The following TBC1D1 variants were observed in gnomAD, a reference collection of about 807,000 sequenced individuals.
TBC1D1 encodes TBC1 domain family member 1.
In TBC1D1, 89 loss-of-function variants were observed where a neutral mutation model predicts 125.6. The ratio of observed to expected loss-of-function variants is 0.71; its 90% confidence interval spans 0.60 to 0.85. The LOEUF (loss-of-function observed/expected upper bound fraction) is 0.85, where lower values mean the gene tolerates loss of function less well. TBC1D1 is among the 40% of genes least tolerant of loss of function. The pLI is 0.00. For synonymous variants in TBC1D1, 565 were observed against 564.1 expected, an observed-to-expected ratio of 1.00 and a Z score of -0.02; for missense variants, 1,377 against 1,469.2, an observed-to-expected ratio of 0.94 and a Z score of 1.03.
At chr4:38,027,323 T>C (rs752958467) in intron 6 of TBC1D1, among the ~76,000 whole-genome samples, 4 of 152,200 alleles carry the variant, frequency 2.6e-5, no homozygotes, top group Admixed American at 6.5e-5. Flanking sequence ...GTGACACTAT[T>C]ATCGATGAAA....
chr4:37,927,783 G>T (rs1722421146), intron 2 of TBC1D1, among the ~76,000 whole-genome samples: 1 of 152,202 alleles, frequency 6.6e-6, no homozygotes, highest in African/African-American at 2.4e-5. Context: ...TGTAGTCCCA[G>T]CTACTCAGGA....
chr4:38,110,301 G>C, intron 15 of TBC1D1: 2 of 983,754 alleles, frequency 2.0e-6, no homozygotes, highest in Non-Finnish European at 1.2e-6. Context: ...CATCCCTGAG[G>C]TCACCATTCT....
At chr4:38,030,956 A>AC (rs1459558278) in intron 7 of TBC1D1, among the ~76,000 whole-genome samples, 17 of 152,376 alleles carry the variant, frequency 1.1e-4, no homozygotes, top group African/African-American at 3.8e-4. Flanking sequence ...TCTCTACTGT[A>AC]AACAAGCTAA....
chr4:38,132,058 CAGA>C (rs1468526593), intron 18 of TBC1D1, among the ~76,000 whole-genome samples: 4 of 152,302 alleles, frequency 2.6e-5, no homozygotes, highest in South Asian at 2.1e-4. Context: ...AGGGAGCCAT[CAGA>C]AGAAGTAGTT....
At chr4:37,991,887 G>T (rs372608775) in intron 2 of TBC1D1, among the ~76,000 whole-genome samples, 12 of 152,294 alleles carry the variant, frequency 7.9e-5, no homozygotes, top group African/African-American at 2.6e-4. Context: ...CATCCAGGGG[G>T]TGACAAAGAA....
At chr4:37,894,275 C>G (rs568719891) in intron 1 of TBC1D1, among the ~76,000 whole-genome samples, 1 of 152,162 alleles carries the variant, frequency 6.6e-6, no homozygotes, top group South Asian at 2.1e-4. Flanking sequence ...GTGTGAGCCA[C>G]GGCGCCCGAC....
At chr4:38,032,437 A>G (rs1375256213) in intron 7 of TBC1D1, among the ~76,000 whole-genome samples, 2 of 152,224 alleles carry the variant, frequency 1.3e-5, no homozygotes, top group Non-Finnish European at 2.9e-5. Context: ...ACAAGCAAGT[A>G]ATTTTTGATG....
chr4:37,956,583 CTG>C (rs922132093), intron 2 of TBC1D1, among the ~76,000 whole-genome samples: 1 of 152,192 alleles, frequency 6.6e-6, no homozygotes, highest in African/African-American at 2.4e-5. Context: ...TACTTCCATT[CTG>C]TGTCTTTTCC....
At chr4:37,960,297 T>G in intron 2 of TBC1D1, 1 of 796,782 alleles carries the variant, frequency 1.3e-6, no homozygotes, top group Non-Finnish European at 2.0e-6. Flanking sequence ...TATGAGTTCA[T>G]GCTAACTCTC....
chr4:37,902,003 G>C lies in TBC1D1; in HGVS notation c.-93G>C, dbSNP rs1577755799. 2 of 1,292,712 alleles carry C rather than the reference G, an allele frequency of 1.5e-6. No individual in the cohort carries two copies. The allele number at this position is 1,292,712 out of a possible 1,614,324, so 80.1% of individuals were successfully genotyped here. ...TAATGCCTCTGGTTTTCTCCCCCAG[G>C]TTTCTGCATATGAAGTGTGTAAAAT... On this transcript the variant is annotated splice_region_variant and 5_prime_UTR_variant, in exon 2 of 20. Transcript: ENST00000261439.
chr4:38,131,904 A>G (rs934094748), intron 18 of TBC1D1, among the ~76,000 whole-genome samples: 19 of 152,210 alleles, frequency 1.2e-4, no homozygotes, highest in African/African-American at 4.6e-4. Context: ...TTTGTGCCTT[A>G]TTAATATTAT....
In TBC1D1 at chr4:38,045,825, A is replaced by C. The variant is rs778073846; in HGVS notation, c.1551A>C (p.Lys517Asn). The C allele has an allele frequency of 6.2e-7, 1 of 1,614,130 alleles. No homozygotes were observed. The highest frequency in any genetic ancestry group is 8.5e-7 in the Non-Finnish European group (1 of 1,179,966). ...GCCTTTTCTTTATGTAGGGTAATAA[A>C]GCCAGAGGCCTGCAGGAACACTCCA... Residue 517 changes from lysine (K) to asparagine (N), a missense_variant, in exon 10 of 20, where the codon AAA (lysine) becomes AAC (asparagine). By Grantham distance (94) the Lys-to-Asn change is moderately conservative. Coordinates refer to ENST00000261439, the MANE Select transcript of TBC1D1 (RefSeq NM_015173.4).
At chr4:38,023,671 TC>T (rs1326063368) in intron 6 of TBC1D1, among the ~76,000 whole-genome samples, 1 of 152,258 alleles carries the variant, frequency 6.6e-6, no homozygotes, top group African/African-American at 2.4e-5. Flanking sequence ...TGAATGGTAT[TC>T]CATTCCAAAA....
chr4:38,075,239 AATTTATGTCAGTG>A (rs1214167729), intron 12 of TBC1D1, among the ~76,000 whole-genome samples: 1 of 152,178 alleles, frequency 6.6e-6, no homozygotes, highest in Non-Finnish European at 1.5e-5. Context: ...TGGGATTGTA[AATTTATGTCAGTG>A]TACTGACTTT....
At chr4:37,893,322 G>T (rs187462238) in intron 1 of TBC1D1, among the ~76,000 whole-genome samples, 1 of 152,180 alleles carries the variant, frequency 6.6e-6, no homozygotes, top group African/African-American at 2.4e-5. Flanking sequence ...GATTCCCAGA[G>T]GACTGAAAAT....
At position 38,020,614 on chromosome 4, in the gene TBC1D1, T is replaced by C. The variant is rs1204494751; in HGVS notation, c.996T>C (p.Phe332=). 6.2e-7 allele frequency: 1 copy of C among 1,613,012 alleles called. No individual in the cohort carries two copies. The highest frequency in any genetic ancestry group is 1.3e-5 in the African/African-American group (1 of 74,906). ...AGGGCATCAGACACGTGGACCACTT[T>C]GGGTTTATCTGTCGGGAGTCTTCCG... is the stretch of plus-strand genomic sequence containing the variant. The change falls in exon 5 of 20, where the codon TTT becomes TTC. Residue 332 remains phenylalanine, a synonymous_variant. Coordinates refer to ENST00000261439, the MANE Select transcript of TBC1D1 (RefSeq NM_015173.4).
At chr4:37,952,135 G>A (rs555089056) in intron 2 of TBC1D1, 347 of 714,412 alleles carry the variant, frequency 4.9e-4, no homozygotes, top group Non-Finnish European at 7.1e-4. Flanking sequence ...CTGCAGTCAT[G>A]ATGAACCCAG....
intron 2 of TBC1D1, among the ~76,000 whole-genome samples, chr4:37,939,702 A>C (rs1725141842): frequency 1.3e-5 from 2 of 152,316 alleles, no homozygotes; most frequent in Non-Finnish European, 2.9e-5. Context: ...TTTTTGTATA[A>C]GGTATAAGGA....
At chr4:38,076,355 A>G (rs1200748128) in intron 12 of TBC1D1, among the ~76,000 whole-genome samples, 2 of 152,210 alleles carry the variant, frequency 1.3e-5, no homozygotes, top group Non-Finnish European at 2.9e-5. Context: ...CATGGGGATT[A>G]TGAGAACTAC....
Sources: gnomAD v4.1 joint callset for allele counts (sites outside exome capture counted in the v4.1 genomes callset) on GRCh38, gnomAD v4.1.1 for gene constraint, MANE v1.5 for transcripts, NCBI Gene and HGNC (gene_info 2026-07-23, HGNC 2026-07-21) for gene names.